Variants in CSMD1 observed in about 807,000 individuals in gnomAD.
CSMD1 encodes CUB and sushi domain-containing protein 1.
Under a neutral mutation model 417.5 loss-of-function variants are expected in CSMD1, and 213 were observed. The observed-to-expected ratio is 0.51, with a 90% CI of 0.46 to 0.57. The LOEUF (loss-of-function observed/expected upper bound fraction) is 0.57. Ranked by LOEUF, CSMD1 falls within the 20% of genes least tolerant of loss-of-function variation. CSMD1 has a pLI of 0.00. For missense variants in CSMD1, 6,923 were observed against 4,529.7 expected (o/e 1.53, Z -15.17); for synonymous variants, 2,862 against 1,736.8 (o/e 1.65, Z -16.11).
At chr8:3,896,198 A>G (rs1287840795) in intron 5 of CSMD1, among the ~76,000 whole-genome samples, 1 of 152,190 alleles carries the variant, frequency 6.6e-6, no homozygotes, top group Non-Finnish European at 1.5e-5. Flanking sequence ...GAGCCCTGTG[A>G]CAAACATCTT....
chr8:4,294,960 A>T (rs1210811572), intron 3 of CSMD1, among the ~76,000 whole-genome samples: 4 of 151,102 alleles, frequency 2.6e-5, no homozygotes, highest in African/African-American at 9.7e-5. Flanking sequence ...AGTGCCAAGG[A>T]TATTTTTCTT....
chr8:3,970,328 T>C (rs557163048), intron 5 of CSMD1, among the ~76,000 whole-genome samples: 78 of 152,172 alleles, frequency 5.1e-4, no homozygotes, highest in African/African-American at 1.9e-3. Flanking sequence ...ACACAGAGAA[T>C]CCTATACCAG....
chr8:3,070,010 G>T (rs928846820), intron 49 of CSMD1, among the ~76,000 whole-genome samples: 1 of 152,214 alleles, frequency 6.6e-6, no homozygotes, highest in Non-Finnish European at 1.5e-5. Flanking sequence ...TCGGAACGGG[G>T]TCTGAGCTGC....
intron 12 of CSMD1, among the ~76,000 whole-genome samples, chr8:3,420,860 A>G (rs143488487): frequency 6.6e-6 from 1 of 152,100 alleles, no homozygotes; most frequent in Admixed American, 6.5e-5. Context: ...TATATTAAAA[A>G]TAATAAGTAA....
chr8:4,520,867 A>C (rs1379656746), intron 2 of CSMD1, among the ~76,000 whole-genome samples: 3 of 152,188 alleles, frequency 2.0e-5, no homozygotes, highest in Non-Finnish European at 4.4e-5. Flanking sequence ...AATAGACTCT[A>C]TTATAACTTA....
At chr8:3,456,142 T>C (rs571383436) in intron 12 of CSMD1, among the ~76,000 whole-genome samples, 2 of 152,298 alleles carry the variant, frequency 1.3e-5, no homozygotes, top group South Asian at 4.1e-4. Flanking sequence ...GGTGTGCCAT[T>C]TGCTAAGACC....
chr8:3,096,779 TA>T, intron 47 of CSMD1, 69 bp downstream of exon 47: 2 of 1,004,050 alleles, frequency 2.0e-6, no homozygotes, highest in South Asian at 1.7e-5. Flanking sequence ...TTTATGTTAC[TA>T]AAACATTGTA....
rs375924887 is a variant in CSMD1, at chr8:3,733,931, G to C, written c.931+19999C>G. Among the ~76,000 whole-genome samples, 78 of 152,234 alleles carry C rather than the reference G, an allele frequency of 5.1e-4. 1 individual carries two copies. In the South Asian group the frequency reaches 0.016, roughly 30 times the overall value. Reference sequence around the variant, plus strand: ...TATGTAGGGTTTGGTGTTAGCCACAGTTTCGGCCATCCACTGGGGTCCTGA... The same window carrying C: ...TATGTAGGGTTTGGTGTTAGCCACACTTTCGGCCATCCACTGGGGTCCTGA... On this transcript the variant is annotated intron_variant, in intron 6 of 69. Coordinates refer to ENST00000635120, the MANE Select transcript of CSMD1 (RefSeq NM_033225.6).
intron 1 of CSMD1, among the ~76,000 whole-genome samples, chr8:4,732,540 T>C (rs746765901): frequency 2.0e-5 from 3 of 152,206 alleles, no homozygotes; most frequent in East Asian, 1.9e-4. Context: ...TGCAATGCAA[T>C]TGAATTTTAT....
At chr8:4,073,195 C>T (rs953126460) in intron 3 of CSMD1, among the ~76,000 whole-genome samples, 19 of 152,070 alleles carry the variant, frequency 1.2e-4, no homozygotes, top group African/African-American at 4.6e-4. Context: ...TCAAAGAACG[C>T]TCACAACAAT....
intron 1 of CSMD1, among the ~76,000 whole-genome samples, chr8:4,859,469 A>G (rs2116867012): frequency 6.6e-6 from 1 of 152,332 alleles, no homozygotes; most frequent in Middle Eastern, 3.4e-3. Context: ...CAGAGTGAAC[A>G]GGCAACCTAC....
At chr8:3,078,439 G>C (rs1449830506) in intron 49 of CSMD1, among the ~76,000 whole-genome samples, 1 of 152,188 alleles carries the variant, frequency 6.6e-6, no homozygotes, top group African/African-American at 2.4e-5. Flanking sequence ...CATGTCTTCA[G>C]TAAAATGCCT....
intron 1 of CSMD1, among the ~76,000 whole-genome samples, chr8:4,952,029 C>CAT (rs755128669): frequency 8.6e-5 from 13 of 150,994 alleles, no homozygotes; most frequent in African/African-American, 1.9e-4. Flanking sequence ...TATAGAAATA[C>CAT]ATATATATAC....
At chr8:3,943,518 G>C (rs1489303269) in intron 5 of CSMD1, among the ~76,000 whole-genome samples, 1 of 150,200 alleles carries the variant, frequency 6.7e-6, no homozygotes, top group Non-Finnish European at 1.5e-5. Context: ...ATTGAAAATG[G>C]AATCTGTACA....
chr8:4,960,375 T>C (rs1172417675), intron 1 of CSMD1, among the ~76,000 whole-genome samples: 1 of 152,220 alleles, frequency 6.6e-6, no homozygotes, highest in Non-Finnish European at 1.5e-5. Context: ...TATGATGATG[T>C]AAATTTGAGA....
intron 2 of CSMD1, among the ~76,000 whole-genome samples, chr8:4,563,655 T>C (rs890620591): frequency 2.0e-5 from 3 of 152,184 alleles, no homozygotes; most frequent in African/African-American, 7.2e-5. Context: ...CTAAAAGTGA[T>C]GTAAAACTTT....
chr8:3,990,425 C>T (rs1038315271), intron 5 of CSMD1, among the ~76,000 whole-genome samples: 3 of 152,124 alleles, frequency 2.0e-5, no homozygotes, highest in Non-Finnish European at 2.9e-5. Flanking sequence ...CCCGGGATAA[C>T]TATTTTTCCT....
intron 4 of CSMD1, among the ~76,000 whole-genome samples, chr8:4,023,320 T>C (rs1322482151): frequency 6.6e-6 from 1 of 152,176 alleles, no homozygotes; most frequent in East Asian, 1.9e-4. Context: ...GCAAAGAGTA[T>C]TTCTGTTTGA....
intron 21 of CSMD1, among the ~76,000 whole-genome samples, chr8:3,356,080 G>T (rs974186429): frequency 1.3e-5 from 2 of 152,202 alleles, no homozygotes; most frequent in African/African-American, 4.8e-5. Context: ...ATGCTCACTA[G>T]AAATTCCATT....
Sources: allele counts gnomAD v4.1 joint callset (sites outside exome capture counted in the v4.1 genomes callset), GRCh38; gene constraint gnomAD v4.1.1; transcripts MANE v1.5; gene names NCBI Gene and HGNC (gene_info 2026-07-23, HGNC 2026-07-21).